DSCAML1: variants seen among roughly 807,000 people sequenced by gnomAD.
DSCAML1 encodes cell adhesion molecule DSCAML1.
Under a neutral mutation model 200.5 loss-of-function variants are expected in DSCAML1, and 38 were observed. The ratio of observed to expected loss-of-function variants is 0.19; its 90% CI spans 0.15 to 0.25. DSCAML1 has a LOEUF of 0.25. Among genes scored for constraint, DSCAML1 ranks in the 10% least tolerant of loss-of-function variants. The probability of loss-of-function intolerance (pLI) is 1.00; values close to 1 mark genes in which losing one functional copy is unlikely to be tolerated. For synonymous variants in DSCAML1, 1,215 were observed against 1,165.0 expected, an observed-to-expected ratio of 1.04 and a Z score of -0.87; for missense variants, 2,223 against 2,858.8, an observed-to-expected ratio of 0.78 and a Z score of 5.07.
rs767625781 is a variant in DSCAML1 at position 117,524,923 on chromosome 11, G to A, written c.819C>T (p.Thr273=). Residue 273 remains threonine (T), a synonymous_variant, in exon 5 of 33, where the codon ACC becomes ACT. Coordinates refer to ENST00000651296, the MANE Select transcript of DSCAML1 (RefSeq NM_020693.4). ...TGATGGTCAGCCCTGTGATGCGCTT[G>A]GTCCAGCGGCTGTCAGCCGGGAGGG... ...GRPLPADSRW[T]KRITGLTISD... is the part of the protein sequence containing the mutation. The A allele has an allele frequency of 6.2e-6, 10 of 1,613,598 alleles. No homozygotes were observed. In the Admixed American group the frequency reaches 6.7e-5, roughly 11 times the overall value.
At chr11:117,727,988 C>G (rs558460236) in intron 3 of DSCAML1, among the ~76,000 whole-genome samples, 1 of 152,284 alleles carries the variant, frequency 6.6e-6, no homozygotes, top group South Asian at 2.1e-4. Context: ...GAGGAGGGAG[C>G]AGTGATTTGC....
intron 3 of DSCAML1, among the ~76,000 whole-genome samples, chr11:117,758,571 T>C (rs1720915994): frequency 6.6e-6 from 1 of 151,774 alleles, no homozygotes; most frequent in South Asian, 2.1e-4. Flanking sequence ...CCGGGTAATT[T>C]TTTTGTATTT....
intron 3 of DSCAML1, among the ~76,000 whole-genome samples, chr11:117,568,544 A>G (rs1359221406): frequency 6.6e-6 from 1 of 152,144 alleles, no homozygotes; most frequent in Non-Finnish European, 1.5e-5. Flanking sequence ...TACAAAATCA[A>G]TGTACAAAAA....
intron 3 of DSCAML1, among the ~76,000 whole-genome samples, chr11:117,684,462 A>AAG (rs2053370179): frequency 3.1e-5 from 4 of 130,014 alleles, no homozygotes; most frequent in Non-Finnish European, 3.3e-5. Context: ...AAAAAAAAAG[A>AAG]AAAAAAGAGG....
chr11:117,714,893 T>C (rs1417247835), intron 3 of DSCAML1, among the ~76,000 whole-genome samples: 1 of 150,110 alleles, frequency 6.7e-6, no homozygotes, highest in Non-Finnish European at 1.5e-5. Context: ...ATGACGCAGC[T>C]GGAAGGAGGC....
chr11:117,442,182 A>AGG (rs1555168606), intron 21 of DSCAML1, among the ~76,000 whole-genome samples: 4 of 150,394 alleles, frequency 2.7e-5, no homozygotes, highest in African/African-American at 9.8e-5. Context: ...TAGTGTGTAT[A>AGG]GTGTGTATGT....
chr11:117,751,550 C>T (rs1416043856), intron 3 of DSCAML1, among the ~76,000 whole-genome samples: 2 of 152,072 alleles, frequency 1.3e-5, no homozygotes, highest in East Asian at 3.9e-4. Flanking sequence ...GACAGGAAGA[C>T]AGGCAAGAGA....
intron 3 of DSCAML1, among the ~76,000 whole-genome samples, chr11:117,753,525 C>T (rs1267133395): frequency 1.3e-5 from 2 of 152,142 alleles, no homozygotes; most frequent in Non-Finnish European, 2.9e-5. Flanking sequence ...TTCACAAGGC[C>T]ACGTATTAGT....
intron 3 of DSCAML1, among the ~76,000 whole-genome samples, chr11:117,607,748 C>A (rs2051598763): frequency 6.6e-6 from 1 of 152,142 alleles, no homozygotes; most frequent in South Asian, 2.1e-4. Context: ...AGGGCAGGAC[C>A]CCACAACAGG....
chr11:117,634,912 T>C (rs1210428764), intron 3 of DSCAML1, among the ~76,000 whole-genome samples: 2 of 152,162 alleles, frequency 1.3e-5, no homozygotes, highest in African/African-American at 2.4e-5. Context: ...TGGCAGTAAA[T>C]GGGCCTTGAC....
Position 117,476,541 on chromosome 11 carries a change from C to T in DSCAML1, c.2785+3902G>A, listed in dbSNP as rs1440008595. ...CCAGCTCACCCCATGGTGGCCGGCA[C>T]AGCCCCTACACCAGCTTGCGCTATG... On this transcript the variant is annotated intron_variant, in intron 14 of 32. Coordinates refer to ENST00000651296, the MANE Select transcript of DSCAML1 (RefSeq NM_020693.4). Among the ~76,000 whole-genome samples the T allele has an allele frequency of 4.6e-5, 7 of 152,230 alleles. No homozygotes were observed. In the East Asian group the frequency reaches 1.2e-3, roughly 25 times the overall value.
At chr11:117,538,143 A>AT (rs1272603425) in intron 3 of DSCAML1, among the ~76,000 whole-genome samples, 5 of 152,282 alleles carry the variant, frequency 3.3e-5, no homozygotes, top group East Asian at 1.9e-4. Context: ...CTGGGAATGG[A>AT]TTTTTTAAAG....
intron 3 of DSCAML1, among the ~76,000 whole-genome samples, chr11:117,766,724 T>G (rs1376286494): frequency 2.0e-5 from 3 of 152,166 alleles, no homozygotes; most frequent in Non-Finnish European, 1.5e-5. Context: ...ATGCAGCGCC[T>G]GCCATGAACT....
rs201186852 is a variant in DSCAML1 at position 117,481,978 on chromosome 11, G to C, written c.2544C>G (p.Val848=). 7.3e-5 allele frequency: 118 copies of C among 1,613,952 alleles called. No homozygotes were observed. The highest frequency in any genetic ancestry group is 4.9e-4 in the Middle Eastern group (3 of 6,082). ...GGGTGCTCACCTTCAGTGTGGAGAC[G>C]ACCTCGTCGCCGTTGTCCTTGGTGG... ...AIATKDNGDE[V]VSTLKLKPAD... is the part of the protein sequence containing the mutation. The change falls in exon 12 of 33, where the codon GTC becomes GTG. Residue 848 remains valine (V), a synonymous_variant. Coordinates refer to ENST00000651296, the MANE Select transcript of DSCAML1 (RefSeq NM_020693.4).
At chr11:117,741,693 A>G (rs2054425799) in intron 3 of DSCAML1, among the ~76,000 whole-genome samples, 1 of 152,220 alleles carries the variant, frequency 6.6e-6, no homozygotes, top group Non-Finnish European at 1.5e-5. Context: ...CACACAACAC[A>G]GTGCTCTTTG....
upstream of DSCAML1, among the ~76,000 whole-genome samples, chr11:117,800,683 G>A (rs6421566): frequency 0.54 from 81,639 of 152,032 alleles, 22,565 homozygotes; most frequent in African/African-American, 0.68. Context: ...TGATCTGTCT[G>A]TATTTTGGCT....
At chr11:117,727,388 A>G (rs774245086) in intron 3 of DSCAML1, among the ~76,000 whole-genome samples, 4 of 152,164 alleles carry the variant, frequency 2.6e-5, no homozygotes, top group African/African-American at 9.6e-5. Context: ...CTCTCTCTCC[A>G]TCCGTCTTCA....
intron 15 of DSCAML1, among the ~76,000 whole-genome samples, chr11:117,471,405 C>T (rs957086480): frequency 6.6e-6 from 1 of 152,208 alleles, no homozygotes; most frequent in African/African-American, 2.4e-5. Context: ...CTCCTGACCT[C>T]AGGTGATCCA....
At chr11:117,597,544 G>GA (rs1339568432) in intron 3 of DSCAML1, among the ~76,000 whole-genome samples, 6 of 152,200 alleles carry the variant, frequency 3.9e-5, no homozygotes, top group African/African-American at 1.4e-4. Context: ...CACCCCCCAG[G>GA]TTCAAGCAAT....
Sources: gnomAD v4.1 joint callset for allele counts (sites outside exome capture counted in the v4.1 genomes callset) on GRCh38, gnomAD v4.1.1 for gene constraint, MANE v1.5 for transcripts, NCBI Gene and HGNC (gene_info 2026-07-23, HGNC 2026-07-21) for gene names.